The following LHFPL3 variants were observed in gnomAD, a reference collection of about 807,000 sequenced individuals.
The protein encoded by LHFPL3 is LHFPL tetraspan subfamily member 3.
A neutral mutation model predicts 19.3 loss-of-function variants in LHFPL3; 5 were observed. That is an observed-to-expected ratio of 0.26 (90% CI 0.14 to 0.54). LHFPL3 has a LOEUF of 0.54. Among genes scored for constraint, LHFPL3 ranks in the 20% least tolerant of loss-of-function variants. LHFPL3 has a pLI of 0.94. For synonymous variants in LHFPL3, 133 were observed against 126.2 expected (o/e 1.05, Z -0.36); for missense variants, 249 against 307.4 (o/e 0.81, Z 1.42).
At chr7:104,416,522 A>G (rs1260219302) in intron 1 of LHFPL3, among the ~76,000 whole-genome samples, 1 of 152,192 alleles carries the variant, frequency 6.6e-6, no homozygotes, top group Non-Finnish European at 1.5e-5. Context: ...AAGCATGGCA[A>G]AAGTGAATCC....
At chr7:104,736,574 A>AT (rs1793826853) in intron 1 of LHFPL3, 101 bp from the exon 2 acceptor site, 2 of 761,178 alleles carry the variant, frequency 2.6e-6, no homozygotes, top group East Asian at 5.4e-5. Flanking sequence ...ATCAAGAATA[A>AT]TTTGAAACAA....
intron 1 of LHFPL3, among the ~76,000 whole-genome samples, chr7:104,429,318 T>TTC (rs1791907230): frequency 6.8e-6 from 1 of 146,480 alleles, no homozygotes; most frequent in Admixed American, 6.8e-5. Context: ...TTTTTTTTTT[T>TTC]TTTTTTGAGA....
chr7:104,449,401 T>A (rs908376745), intron 1 of LHFPL3, among the ~76,000 whole-genome samples: 20 of 152,216 alleles, frequency 1.3e-4, no homozygotes, highest in African/African-American at 4.6e-4. Flanking sequence ...TGTGGCAATC[T>A]GAGTATACTG....
At chr7:104,757,287 T>A (rs1794303299) in intron 2 of LHFPL3, among the ~76,000 whole-genome samples, 1 of 152,162 alleles carries the variant, frequency 6.6e-6, no homozygotes, top group South Asian at 2.1e-4. Flanking sequence ...CATCTGGACA[T>A]CAGCCTTGGG....
At chr7:104,410,583 TC>T (rs879260191) in intron 1 of LHFPL3, among the ~76,000 whole-genome samples, 12 of 152,196 alleles carry the variant, frequency 7.9e-5, no homozygotes, top group Admixed American at 6.5e-5. Flanking sequence ...GGAGGAATAA[TC>T]CACAAATCAA....
At chr7:104,518,684 T>C (rs955982387) in intron 1 of LHFPL3, among the ~76,000 whole-genome samples, 16 of 152,152 alleles carry the variant, frequency 1.1e-4, no homozygotes, top group African/African-American at 3.9e-4. Flanking sequence ...TTCAGGAAGC[T>C]GAGGCAGGAG....
At chr7:104,781,359 C>T (rs1794712318) in intron 2 of LHFPL3, among the ~76,000 whole-genome samples, 1 of 152,042 alleles carries the variant, frequency 6.6e-6, no homozygotes, top group Non-Finnish European at 1.5e-5. Flanking sequence ...ATTTATCTTC[C>T]TCTATCTCAT....
chr7:104,525,472 A>C (rs1447322720), intron 1 of LHFPL3, among the ~76,000 whole-genome samples: 1 of 152,212 alleles, frequency 6.6e-6, no homozygotes, highest in Non-Finnish European at 1.5e-5. Context: ...GTATTGGTTC[A>C]TGTAGCAGAA....
At position 104,668,007 on chromosome 7, in the gene LHFPL3, C is replaced by G. The variant is rs533809505; in HGVS notation, c.446-68668C>G. On this transcript the variant is annotated intron_variant, in intron 1 of 2. Coordinates refer to ENST00000424859, the MANE Select transcript of LHFPL3 (RefSeq NM_199000.3). ...GGCTGCTCGGGAACCCAATATCGAC[C>G]GGAGCCGTCTTCCCAAATCGCCACC... is the stretch of plus-strand genomic sequence containing the variant. The G allele has an allele frequency of 5.9e-5, 95 of 1,613,650 alleles. No homozygotes were observed. The African/African-American group carries it at 8.9e-4, about 15-fold the overall frequency.
intron 2 of LHFPL3, among the ~76,000 whole-genome samples, chr7:104,794,091 C>A (rs1287160858): frequency 6.6e-6 from 1 of 152,126 alleles, no homozygotes; most frequent in Non-Finnish European, 1.5e-5. Flanking sequence ...CACACTTTTT[C>A]TTATATACTA....
At position 104,370,167 on chromosome 7, in the gene LHFPL3, G is replaced by A. The variant is rs11771593; in HGVS notation, c.445+40943G>A. Among the ~76,000 whole-genome samples the A allele has an allele frequency of 2.7e-3, 407 of 152,296 alleles. 4 individuals are homozygous for A. The highest frequency in any genetic ancestry group is 1.6e-3 in the Non-Finnish European group (109 of 68,014). ...TTGAAATGATAAAATTTAGAAGCTT[G>A]GAGAAGGAACTAAAACTTGGTCCCC... On this transcript the variant is annotated intron_variant, in intron 1 of 2. Transcript: ENST00000424859.
chr7:104,385,635 GTCAA>G (rs1242512984), intron 1 of LHFPL3, among the ~76,000 whole-genome samples: 2 of 152,010 alleles, frequency 1.3e-5, no homozygotes, highest in Non-Finnish European at 2.9e-5. Flanking sequence ...CATTCACTCA[GTCAA>G]TCATTCATTC....
chr7:104,494,652 A>T (rs1250586579), intron 1 of LHFPL3, among the ~76,000 whole-genome samples: 5 of 152,128 alleles, frequency 3.3e-5, no homozygotes, highest in South Asian at 4.1e-4. Context: ...TTCAAGTCAA[A>T]TCAAGCCTGC....
intron 1 of LHFPL3, among the ~76,000 whole-genome samples, chr7:104,333,294 T>G (rs1293997531): frequency 1.3e-5 from 2 of 152,258 alleles, no homozygotes; most frequent in Non-Finnish European, 2.9e-5. Flanking sequence ...GCTGAAGTAT[T>G]CAGTGGAACT....
chr7:104,891,034 GCTATGAGGACAAAT>G (rs1197066218), intron 2 of LHFPL3, among the ~76,000 whole-genome samples: 1 of 151,642 alleles, frequency 6.6e-6, no homozygotes, highest in Admixed American at 6.6e-5. Context: ...AACTGTTGCA[GCTATGAGGACAAAT>G]CTTTTGAGCC....
intron 1 of LHFPL3, among the ~76,000 whole-genome samples, chr7:104,456,325 C>T (rs1792540075): frequency 6.6e-6 from 1 of 152,138 alleles, no homozygotes; most frequent in African/African-American, 2.4e-5. Context: ...GAAATGCATA[C>T]ATGGAGGATT....
In LHFPL3 at chr7:104,685,934, T is replaced by C. The variant is rs529650049; in HGVS notation, c.446-50741T>C. 2.6e-5 allele frequency among the ~76,000 whole-genome samples: 4 copies of C among 152,324 alleles called. No homozygotes were observed. In the East Asian group the frequency reaches 7.7e-4, roughly 29 times the overall value. On this transcript the variant is annotated intron_variant, in intron 1 of 2. Coordinates refer to ENST00000424859, the MANE Select transcript of LHFPL3 (RefSeq NM_199000.3). ...CAAGCAAGACTGAAGGAGCCTACCATTCAGATAACTCCATTCTAGTGTATT... is the reference window on the plus strand; with the variant it reads ...CAAGCAAGACTGAAGGAGCCTACCACTCAGATAACTCCATTCTAGTGTATT...
intron 1 of LHFPL3, among the ~76,000 whole-genome samples, chr7:104,591,633 C>T (rs1159856190): frequency 6.6e-6 from 1 of 152,116 alleles, no homozygotes. Flanking sequence ...GTGGCGTTCT[C>T]TGTATTTCCT....
chr7:104,772,548 A>T (rs77790358), intron 2 of LHFPL3, among the ~76,000 whole-genome samples: 3,494 of 152,232 alleles, frequency 0.023, 122 homozygotes, highest in African/African-American at 0.08. Context: ...TCTTATTCTG[A>T]TGCCACCCCA....
Sources: gnomAD v4.1 joint callset for allele counts (sites outside exome capture counted in the v4.1 genomes callset) on GRCh38, gnomAD v4.1.1 for gene constraint, MANE v1.5 for transcripts, NCBI Gene and HGNC (gene_info 2026-07-23, HGNC 2026-07-21) for gene names.